The following YEATS4 variants were observed in gnomAD, a reference collection of about 807,000 sequenced individuals.
YEATS4 encodes the protein YEATS domain-containing protein 4.
In YEATS4, 17 loss-of-function variants were observed where a neutral mutation model predicts 30.1. The ratio of observed to expected loss-of-function variants is 0.56; its 90% CI spans 0.39 to 0.85. YEATS4 has a LOEUF of 0.85. Among genes scored for constraint, YEATS4 ranks in the 40% least tolerant of loss-of-function variants. The pLI is 0.00. For synonymous variants in YEATS4, 85 were observed against 87.5 expected (o/e 0.97, Z 0.16); for missense variants, 142 against 268.3 (o/e 0.53, Z 3.29).
At chr12:69,404,211 G>C in the YEATS4 span, among the ~76,000 whole-genome samples, 4 of 152,114 alleles carry the variant, frequency 2.6e-5, no homozygotes, top group Non-Finnish European at 4.4e-5. Context: ...CACCTCAATT[G>C]AGCATGTTCC....
At chr12:69,389,832 A>G (rs1283604695) in intron 6 of YEATS4, among the ~76,000 whole-genome samples, 1 of 152,066 alleles carries the variant, frequency 6.6e-6, no homozygotes. Context: ...TAGCTGATGT[A>G]TCTTGGGTTT....
At chr12:69,367,629 G>T (rs1400091287) in intron 4 of YEATS4, among the ~76,000 whole-genome samples, 1 of 152,142 alleles carries the variant, frequency 6.6e-6, no homozygotes, top group Non-Finnish European at 1.5e-5. Flanking sequence ...CCCTCCCAAG[G>T]TGCTGGGATT....
intron 6 of YEATS4, among the ~76,000 whole-genome samples, chr12:69,379,176 G>GT (rs1875976793): frequency 6.6e-6 from 1 of 152,026 alleles, no homozygotes; most frequent in Non-Finnish European, 1.5e-5. Flanking sequence ...TCCTCTTGTT[G>GT]TTTTTAGGAT....
chr12:69,413,711 G>A, the YEATS4 span, among the ~76,000 whole-genome samples: 1 of 152,000 alleles, frequency 6.6e-6, no homozygotes, highest in Non-Finnish European at 1.5e-5. Flanking sequence ...AATTAGCCAG[G>A]CATGATGGTG....
Position 69,359,836 on chromosome 12 carries a change from C to G in YEATS4, c.-137C>G. On this transcript the variant is annotated 5_prime_UTR_variant, in exon 1 of 7. Coordinates refer to ENST00000247843, the MANE Select transcript of YEATS4 (RefSeq NM_006530.4). The stretch of plus-strand genomic sequence containing the variant: ...TTGACGGTTACTCACCGCCGTGAGC[C>G]CAAGTAACTCGCCCTCCTTCGGCTA... 1 of 1,025,290 alleles carries G rather than the reference C, an allele frequency of 9.8e-7. No individual in the cohort carries two copies. Among genetic ancestry groups the G allele is most frequent in the Non-Finnish European group, 1.4e-6 (1 of 705,482 alleles). The allele number at this position is 1,025,290 out of a possible 1,614,324, so 63.5% of individuals were successfully genotyped here.
At chr12:69,376,356 A>T (rs1875872330) in intron 6 of YEATS4, among the ~76,000 whole-genome samples, 1 of 152,146 alleles carries the variant, frequency 6.6e-6, no homozygotes, top group Admixed American at 6.6e-5. Context: ...ACAGAGTGAG[A>T]CTCTCTCTCA....
At chr12:69,371,797 GACAA>G (rs1462799987) in intron 6 of YEATS4, among the ~76,000 whole-genome samples, 8 of 152,174 alleles carry the variant, frequency 5.3e-5, no homozygotes, top group Middle Eastern at 3.2e-3. Context: ...GTGCTATAGA[GACAA>G]ACAAAGTGGG....
the YEATS4 span, among the ~76,000 whole-genome samples, chr12:69,410,292 T>C: frequency 1.3e-5 from 2 of 152,206 alleles, no homozygotes; most frequent in African/African-American, 4.8e-5. Context: ...CTCATCTTCT[T>C]TGTACCTCAA....
At chr12:69,389,431 C>T (rs1048520190) in intron 6 of YEATS4, among the ~76,000 whole-genome samples, 3 of 128,198 alleles carry the variant, frequency 2.3e-5, no homozygotes, top group Non-Finnish European at 4.9e-5. Flanking sequence ...GCCTGGGCGA[C>T]AAGAGCGAGA....
At chr12:69,397,858 T>C in the YEATS4 span, among the ~76,000 whole-genome samples, 1 of 152,258 alleles carries the variant, frequency 6.6e-6, no homozygotes, top group South Asian at 2.1e-4. Context: ...ATCTCAGACT[T>C]ATAACCTCCA....
At chr12:69,392,424 G>T (rs533821531), downstream of YEATS4, among the ~76,000 whole-genome samples, 278 of 152,220 alleles carry the variant, frequency 1.8e-3, 2 homozygotes, top group African/African-American at 6.4e-3. Flanking sequence ...ACAAAAACTT[G>T]TACATCAATG....
chr12:69,370,372 T>C (rs1371028018), intron 4 of YEATS4, among the ~76,000 whole-genome samples: 1 of 152,208 alleles, frequency 6.6e-6, no homozygotes, highest in Non-Finnish European at 1.5e-5. Context: ...TTAATCCACT[T>C]GTGTAAGTAA....
In YEATS4 at chr12:69,390,585, TGTA is replaced by T. The variant is rs768368208; in HGVS notation, c.*273_*275del. 2.4e-4 allele frequency: 50 copies of T among 206,386 alleles called. No individual in the cohort carries two copies. The highest frequency in any genetic ancestry group is 3.4e-4 in the Non-Finnish European group (35 of 103,826). The allele number at this position is 206,386 out of a possible 1,614,324, so 12.8% of individuals were successfully genotyped here. A position where few individuals can be genotyped will look rare whatever the true frequency, so the allele number is the denominator to read the frequency against. ...AAGCACAGTTTTTAAAAATGTTTAT[TGTA>T]GTATATGTATAGCTTATTACCCTTT... On this transcript the variant is annotated 3_prime_UTR_variant, in exon 7 of 7. Coordinates refer to ENST00000247843, the MANE Select transcript of YEATS4 (RefSeq NM_006530.4).
chr12:69,366,283 T>C (rs1453379852), intron 4 of YEATS4, among the ~76,000 whole-genome samples: 1 of 152,198 alleles, frequency 6.6e-6, no homozygotes, highest in Admixed American at 6.5e-5. Flanking sequence ...TCATCAGTAC[T>C]AGCGCTTCAT....
downstream of YEATS4, among the ~76,000 whole-genome samples, chr12:69,391,105 C>T (rs549992242): frequency 7.9e-5 from 12 of 152,200 alleles, no homozygotes; most frequent in South Asian, 2.1e-3. Flanking sequence ...ACTGGCCTGG[C>T]CAACATGGTA....
chr12:69,379,238 A>G (rs1047365193), intron 6 of YEATS4, among the ~76,000 whole-genome samples: 1 of 152,120 alleles, frequency 6.6e-6, no homozygotes, highest in Non-Finnish European at 1.5e-5. Flanking sequence ...GCCTTGAGGT[A>G]GTCTTCTGTG....
At chr12:69,394,519 A>G (rs886182735), downstream of YEATS4, among the ~76,000 whole-genome samples, 6 of 152,228 alleles carry the variant, frequency 3.9e-5, no homozygotes, top group African/African-American at 1.4e-4. Context: ...TCCATGTAGG[A>G]TGAGATAAAT....
chr12:69,385,235 G>A (rs953057819), intron 6 of YEATS4, among the ~76,000 whole-genome samples: 2 of 151,582 alleles, frequency 1.3e-5, no homozygotes, highest in Non-Finnish European at 2.9e-5. Flanking sequence ...TAAAGTACTG[G>A]TATTACAGGC....
At chr12:69,418,382 G>A in the YEATS4 span, among the ~76,000 whole-genome samples, 1 of 152,166 alleles carries the variant, frequency 6.6e-6, no homozygotes, top group South Asian at 2.1e-4. Flanking sequence ...AATCCGGGAG[G>A]TGGAGGTTGC....
Sources: allele counts gnomAD v4.1 joint callset (sites outside exome capture counted in the v4.1 genomes callset), GRCh38; gene constraint gnomAD v4.1.1; transcripts MANE v1.5; gene names NCBI Gene and HGNC (gene_info 2026-07-23, HGNC 2026-07-21).